The following SYCP1 variants were observed in gnomAD, a reference collection of about 807,000 sequenced individuals.
SYCP1 encodes the protein cancer/testis antigen 8.
SYCP1 carries 64 observed loss-of-function variants against 153.1 expected under a neutral mutation model. The observed-to-expected ratio is 0.42, with a 90% CI of 0.34 to 0.51. The LOEUF is 0.51. SYCP1 is among the 20% of genes least tolerant of loss of function. The probability of loss-of-function intolerance (pLI) is 0.06; values close to 1 mark genes in which losing one functional copy is unlikely to be tolerated. For missense variants in SYCP1, 997 were observed against 1,049.0 expected, an observed-to-expected ratio of 0.95 and a Z score of 0.68; for synonymous variants, 384 against 341.8, an observed-to-expected ratio of 1.12 and a Z score of -1.36.
chr1:114,911,403 A>G (rs1668167288), intron 17 of SYCP1, 76 bp from the exon 18 acceptor site: 4 of 1,185,156 alleles, frequency 3.4e-6, no homozygotes, highest in Non-Finnish European at 4.6e-6. Context: ...ATATGACTTA[A>G]TTACACAGTG....
intron 23 of SYCP1, among the ~76,000 whole-genome samples, chr1:114,939,672 G>T (rs1035346352): frequency 1.3e-5 from 2 of 152,144 alleles, no homozygotes; most frequent in African/African-American, 4.8e-5. Context: ...AACTTTCTGG[G>T]ATTATGGAAA....
At chr1:114,953,480 T>G (rs1308262851) in intron 27 of SYCP1, among the ~76,000 whole-genome samples, 1 of 152,214 alleles carries the variant, frequency 6.6e-6, no homozygotes, top group East Asian at 1.9e-4. Flanking sequence ...CCATTTTGAG[T>G]TAATTGTTAT....
At chr1:114,987,790 C>T (rs1161467724) in intron 30 of SYCP1, among the ~76,000 whole-genome samples, 6 of 151,576 alleles carry the variant, frequency 4.0e-5, no homozygotes, top group Non-Finnish European at 8.8e-5. Flanking sequence ...GAAGCTCAGA[C>T]ATTGGAATTA....
chr1:114,986,428 C>T (rs945896490), intron 30 of SYCP1, among the ~76,000 whole-genome samples: 6 of 151,870 alleles, frequency 4.0e-5, no homozygotes, highest in Non-Finnish European at 7.4e-5. Context: ...GAGTTTAGGC[C>T]AATTTCTTAG....
intron 17 of SYCP1, 60 bp from the exon 18 acceptor site, chr1:114,911,419 A>G: frequency 7.5e-7 from 1 of 1,341,242 alleles, no homozygotes; most frequent in Non-Finnish European, 1.0e-6. Flanking sequence ...CAGTGACTAT[A>G]CCTTTTAAAT....
intron 27 of SYCP1, among the ~76,000 whole-genome samples, chr1:114,956,501 G>T (rs1174083711): frequency 6.6e-6 from 1 of 152,136 alleles, no homozygotes; most frequent in Non-Finnish European, 1.5e-5. Flanking sequence ...AGGCTCTTCA[G>T]CCTCCAACCC....
intron 21 of SYCP1, among the ~76,000 whole-genome samples, chr1:114,925,373 A>T (rs1357429914): frequency 6.6e-6 from 1 of 152,160 alleles, no homozygotes; most frequent in Non-Finnish European, 1.5e-5. Context: ...TATTTTGCCA[A>T]TATAGAAAAT....
intron 8 of SYCP1, among the ~76,000 whole-genome samples, chr1:114,873,239 A>T (rs1275781533): frequency 6.6e-6 from 1 of 152,136 alleles, no homozygotes; most frequent in African/African-American, 2.4e-5. Context: ...GCTACACATG[A>T]TGTACTGGGT....
intron 23 of SYCP1, among the ~76,000 whole-genome samples, chr1:114,934,601 A>T (rs901049598): frequency 1.5e-4 from 23 of 152,226 alleles, no homozygotes; most frequent in African/African-American, 4.3e-4. Context: ...TCCAATTAAA[A>T]GATACAGACT....
chr1:114,991,173 G>A (rs890231324), intron 30 of SYCP1, among the ~76,000 whole-genome samples: 2 of 151,920 alleles, frequency 1.3e-5, no homozygotes, highest in African/African-American at 4.8e-5. Context: ...ACTGATAGAG[G>A]AGTATAAATT....
chr1:114,914,168 T>C, intron 20 of SYCP1, 123 bp downstream of exon 20: 1 of 671,496 alleles, frequency 1.5e-6, no homozygotes, highest in Non-Finnish European at 2.3e-6. Flanking sequence ...AAAAATTAGA[T>C]ATAAATCACT....
intron 20 of SYCP1, among the ~76,000 whole-genome samples, chr1:114,920,652 T>C (rs1018966110): frequency 6.6e-6 from 1 of 152,184 alleles, no homozygotes; most frequent in African/African-American, 2.4e-5. Flanking sequence ...TATATCTGTG[T>C]GCTCCAGTGT....
chr1:114,981,268 A>T, intron 28 of SYCP1, 68 bp from the exon 29 acceptor site: 1 of 1,263,684 alleles, frequency 7.9e-7, no homozygotes, highest in Non-Finnish European at 1.1e-6. Context: ...GCTGCACTTT[A>T]ATTAAAGAAA....
chr1:114,966,693 T>C (rs1032182205), intron 27 of SYCP1, among the ~76,000 whole-genome samples: 4 of 151,548 alleles, frequency 2.6e-5, no homozygotes, highest in Non-Finnish European at 5.9e-5. Flanking sequence ...TTCTTTCTTT[T>C]TTTTTTTTTT....
At chr1:114,946,185 ATAAT>A (rs1246719085) in intron 25 of SYCP1, 100 bp from the exon 26 acceptor site, 16 of 371,130 alleles carry the variant, frequency 4.3e-5, no homozygotes, top group South Asian at 2.8e-4. Context: ...TAAATACTAA[ATAAT>A]TAATTAAATA....
intron 28 of SYCP1, among the ~76,000 whole-genome samples, chr1:114,980,898 G>A (rs147586191): frequency 8.2e-4 from 124 of 151,848 alleles, no homozygotes; most frequent in African/African-American, 2.8e-3. Flanking sequence ...ACCTATACCC[G>A]TTAGTTATTT....
intron 23 of SYCP1, among the ~76,000 whole-genome samples, chr1:114,937,899 A>C (rs1181957043): frequency 6.6e-6 from 1 of 152,154 alleles, no homozygotes; most frequent in African/African-American, 2.4e-5. Context: ...AGGAAACAAC[A>C]GGTGCTGGAG....
chr1:114,931,401 G>T (rs2101760761), intron 23 of SYCP1, among the ~76,000 whole-genome samples: 1 of 152,140 alleles, frequency 6.6e-6, no homozygotes, highest in East Asian at 1.9e-4. Context: ...TGGATACAAG[G>T]TCAATGGCCA....
Position 114,938,949 on chromosome 1 carries a change from A to G in SYCP1, c.1927-5390A>G, listed in dbSNP as rs556464611. Among the ~76,000 whole-genome samples, 3 of 152,292 alleles carry G rather than the reference A, an allele frequency of 2.0e-5. No individual in the cohort carries two copies. The East Asian group carries it at 5.8e-4, about 29-fold the overall frequency. Reference sequence around the variant, plus strand: ...TGTGGAGAAATTGGAATTCTCGAGCACTGTTGATGGGAATGTCAGATGGTA... The same window carrying G: ...TGTGGAGAAATTGGAATTCTCGAGCGCTGTTGATGGGAATGTCAGATGGTA... On this transcript the variant is annotated intron_variant, in intron 23 of 31. Transcript: ENST00000369522.
Sources: allele counts gnomAD v4.1 joint callset (sites outside exome capture counted in the v4.1 genomes callset), GRCh38; gene constraint gnomAD v4.1.1; transcripts MANE v1.5; gene names NCBI Gene and HGNC (gene_info 2026-07-23, HGNC 2026-07-21).